Variants in ZMAT4 observed in about 807,000 individuals in gnomAD.
ZMAT4 encodes zinc finger matrin-type protein 4.
ZMAT4 carries 17 observed loss-of-function variants against 28.7 expected under a neutral mutation model. The observed-to-expected ratio is 0.59, with a 90% CI of 0.41 to 0.89. The LOEUF (loss-of-function observed/expected upper bound fraction) is 0.89. ZMAT4 is among the 40% of genes least tolerant of loss of function. The probability of loss-of-function intolerance (pLI) is 0.00; values close to 1 mark genes in which losing one functional copy is unlikely to be tolerated. For synonymous variants in ZMAT4, 117 were observed against 109.2 expected, an observed-to-expected ratio of 1.07 and a Z score of -0.44; for missense variants, 240 against 283.8, an observed-to-expected ratio of 0.85 and a Z score of 1.11.
At chr8:40,694,932 A>AC (rs960674079) in intron 4 of ZMAT4, among the ~76,000 whole-genome samples, 1 of 151,754 alleles carries the variant, frequency 6.6e-6, no homozygotes, top group African/African-American at 2.4e-5. Context: ...AGGACATGAG[A>AC]CCCCCTTTCC....
At chr8:40,810,180 A>T (rs1357111472) in intron 2 of ZMAT4, among the ~76,000 whole-genome samples, 1 of 152,210 alleles carries the variant, frequency 6.6e-6, no homozygotes, top group African/African-American at 2.4e-5. Flanking sequence ...TTGTCTTTAA[A>T]TTAATTCTTA....
chr8:40,800,267 G>A (rs764469047), intron 2 of ZMAT4, among the ~76,000 whole-genome samples: 6 of 152,176 alleles, frequency 3.9e-5, no homozygotes, highest in Non-Finnish European at 8.8e-5. Context: ...AGAACTTCAA[G>A]GAGAAATAAA....
intron 6 of ZMAT4, among the ~76,000 whole-genome samples, chr8:40,552,589 T>G (rs1803398481): frequency 6.6e-6 from 1 of 152,158 alleles, no homozygotes; most frequent in Non-Finnish European, 1.5e-5. Context: ...GACATTATAT[T>G]TTAAAGGAGA....
At chr8:40,555,978 T>C (rs1263561946) in intron 6 of ZMAT4, among the ~76,000 whole-genome samples, 3 of 152,166 alleles carry the variant, frequency 2.0e-5, no homozygotes, top group East Asian at 1.9e-4. Flanking sequence ...TATCTTACCA[T>C]ATTTCTCCTT....
intron 1 of ZMAT4, among the ~76,000 whole-genome samples, chr8:40,881,640 G>A (rs1818278268): frequency 6.6e-6 from 1 of 151,920 alleles, no homozygotes; most frequent in Non-Finnish European, 1.5e-5. Flanking sequence ...AATAATATCA[G>A]TTCCTTGTCA....
chr8:40,628,117 G>A (rs1204077636), intron 5 of ZMAT4, among the ~76,000 whole-genome samples: 1 of 152,156 alleles, frequency 6.6e-6, no homozygotes, highest in Non-Finnish European at 1.5e-5. Flanking sequence ...CTCCATTGGA[G>A]TCTCAACATC....
At position 40,833,768 on chromosome 8, in the gene ZMAT4, C is replaced by G. The variant is rs776007678; in HGVS notation, c.-4-8088G>C. On this transcript the variant is annotated intron_variant, in intron 1 of 6. Coordinates refer to ENST00000297737, the MANE Select transcript of ZMAT4 (RefSeq NM_024645.3). The stretch of plus-strand genomic sequence containing the variant: ...GAGAGCAGGGTGAAGGTCAAGTACA[C>G]AGCCAGCTTGAAGGACCTTTTCAAT... 7.9e-4 allele frequency among the ~76,000 whole-genome samples: 121 copies of G among 152,282 alleles called. 1 individual carries two copies. The highest frequency in any genetic ancestry group is 1.5e-3 in the Non-Finnish European group (100 of 68,040).
At chr8:40,781,559 G>A (rs1329999045) in intron 2 of ZMAT4, among the ~76,000 whole-genome samples, 4 of 150,790 alleles carry the variant, frequency 2.7e-5, no homozygotes, top group African/African-American at 9.7e-5. Context: ...TCAGGAGTTC[G>A]AGACCATCCC....
intron 1 of ZMAT4, among the ~76,000 whole-genome samples, chr8:40,854,751 C>T (rs1031949225): frequency 1.3e-5 from 2 of 152,128 alleles, no homozygotes; most frequent in Non-Finnish European, 2.9e-5. Context: ...CAGCTCCTGG[C>T]AGTTAAAACA....
At chr8:40,820,527 T>C in intron 2 of ZMAT4, among the ~76,000 whole-genome samples, 1 of 151,036 alleles carries the variant, frequency 6.6e-6, no homozygotes, top group Non-Finnish European at 1.5e-5. Flanking sequence ...TGTATATGCA[T>C]GTGTTTATGT....
In ZMAT4 at chr8:40,534,309, T is replaced by A. The variant is rs758672107; in HGVS notation, c.675-2071A>T. Among the ~76,000 whole-genome samples the A allele has an allele frequency of 1.2e-4, 18 of 152,312 alleles. No individual in the cohort carries two copies. The South Asian group carries it at 1.4e-3, about 12-fold the overall frequency. On this transcript the variant is annotated intron_variant, in intron 6 of 6. Coordinates refer to ENST00000297737, the MANE Select transcript of ZMAT4 (RefSeq NM_024645.3). ...AGGCTACTTCATATTTTAGTCAGCA[T>A]CCCATTTGATACAAAAGAACACGGA...
At chr8:40,704,349 C>T (rs1179888183) in intron 3 of ZMAT4, among the ~76,000 whole-genome samples, 3 of 152,276 alleles carry the variant, frequency 2.0e-5, no homozygotes, top group South Asian at 4.1e-4. Context: ...TCATGCATCC[C>T]TTTCCACTCC....
intron 4 of ZMAT4, among the ~76,000 whole-genome samples, chr8:40,688,969 G>C (rs919924818): frequency 6.6e-6 from 1 of 152,168 alleles, no homozygotes; most frequent in African/African-American, 2.4e-5. Context: ...AGAGGAGTAT[G>C]CCTGGTGTCA....
chr8:40,853,958 T>C (rs1817208024), intron 1 of ZMAT4, among the ~76,000 whole-genome samples: 1 of 152,164 alleles, frequency 6.6e-6, no homozygotes, highest in South Asian at 2.1e-4. Context: ...GGTGCCAGCA[T>C]CTGCTTCTAG....
intron 1 of ZMAT4, among the ~76,000 whole-genome samples, chr8:40,833,529 C>T (rs1346773197): frequency 9.2e-6 from 1 of 109,158 alleles, no homozygotes; most frequent in Admixed American, 8.9e-5. Flanking sequence ...GATCATACCA[C>T]TACACTCCAG....
At chr8:40,835,211 G>A (rs997878011) in intron 1 of ZMAT4, among the ~76,000 whole-genome samples, 2 of 152,138 alleles carry the variant, frequency 1.3e-5, no homozygotes, top group African/African-American at 4.8e-5. Context: ...CCATATCATG[G>A]GGGAAAGCCA....
chr8:40,777,804 G>T (rs995125351), intron 2 of ZMAT4, among the ~76,000 whole-genome samples: 2 of 152,214 alleles, frequency 1.3e-5, no homozygotes, highest in African/African-American at 2.4e-5. Context: ...GTCAACAGCT[G>T]CAACAAGGCT....
intron 3 of ZMAT4, among the ~76,000 whole-genome samples, chr8:40,721,175 G>A (rs1811075344): frequency 7.1e-6 from 1 of 140,148 alleles, no homozygotes; most frequent in African/African-American, 2.7e-5. Flanking sequence ...TCCCCTTCCT[G>A]TGTCCATGTG....
chr8:40,552,449 C>T (rs909724730), intron 6 of ZMAT4, among the ~76,000 whole-genome samples: 1 of 152,202 alleles, frequency 6.6e-6, no homozygotes, highest in African/African-American at 2.4e-5. Flanking sequence ...TCCTCTCCCT[C>T]TTTCTCATAC....
Sources: allele counts gnomAD v4.1 joint callset (sites outside exome capture counted in the v4.1 genomes callset), GRCh38; gene constraint gnomAD v4.1.1; transcripts MANE v1.5; gene names NCBI Gene and HGNC (gene_info 2026-07-23, HGNC 2026-07-21).